Variants in TIAM2 observed in about 807,000 individuals in gnomAD.
The protein encoded by TIAM2 is TIAM Rac1 associated GEF 2, also known as rho guanine nucleotide exchange factor TIAM2.
A neutral mutation model predicts 152.9 loss-of-function variants in TIAM2; 80 were observed. That is an observed-to-expected ratio of 0.52 (90% CI 0.44 to 0.63). The LOEUF is 0.63. Among genes scored for constraint, TIAM2 ranks in the 30% least tolerant of loss-of-function variants. The pLI, the probability that TIAM2 is intolerant of heterozygous loss-of-function variation, is 0.00. For synonymous variants in TIAM2, 804 were observed against 838.0 expected, an observed-to-expected ratio of 0.96 and a Z score of 0.70; for missense variants, 1,965 against 2,120.1, an observed-to-expected ratio of 0.93 and a Z score of 1.44.
intron 20 of TIAM2, 110 bp from the exon 21 acceptor site, chr6:155,249,741 G>A: frequency 2.5e-6 from 2 of 803,276 alleles, no homozygotes; most frequent in East Asian, 2.8e-5. Flanking sequence ...CCTGCTAGTG[G>A]GTACTGGTCT....
chr6:155,153,506 G>A (rs949870301), intron 7 of TIAM2, among the ~76,000 whole-genome samples: 1 of 151,846 alleles, frequency 6.6e-6, no homozygotes, highest in Non-Finnish European at 1.5e-5. Flanking sequence ...ACTCTTTGAG[G>A]TTATGATTTA....
rs1228352587 is a variant in TIAM2, at chr6:155,218,505, C to T, written c.3168+7198C>T. On this transcript the variant is annotated intron_variant, in intron 15 of 26. Transcript: ENST00000682666. The surrounding 1 kb of genome is among the most constrained non-coding windows in gnomAD (Gnocchi z 4.5). ...GGGCAAGTTACCCAACCTTTGTAAG[C>T]CTGTGTGTCCTCCTCTATGAATAAA... 6.6e-6 allele frequency among the ~76,000 whole-genome samples: 1 copy of T among 152,202 alleles called. No individual in the cohort carries two copies. Among genetic ancestry groups the T allele is most frequent in the East Asian group, 1.9e-4 (1 of 5,198 alleles).
intron 1 of TIAM2, among the ~76,000 whole-genome samples, chr6:155,029,264 A>G (rs942001471): frequency 1.8e-5 from 2 of 110,688 alleles, no homozygotes; most frequent in Non-Finnish European, 3.6e-5. Flanking sequence ...TATGTGTTAT[A>G]TACACTATAT....
intron 4 of TIAM2, among the ~76,000 whole-genome samples, chr6:155,134,108 T>A (rs1281139308): frequency 2.0e-5 from 3 of 152,072 alleles, no homozygotes; most frequent in Non-Finnish European, 4.4e-5. Context: ...TTCGATTTGA[T>A]GGAAGTGAAG....
At chr6:155,133,644 C>T (rs1444731494) in intron 4 of TIAM2, among the ~76,000 whole-genome samples, 2 of 152,124 alleles carry the variant, frequency 1.3e-5, no homozygotes, top group African/African-American at 4.8e-5. Flanking sequence ...ATTGTACTCT[C>T]TGCTTCAATG....
chr6:155,142,669 A>G (rs1779736425), intron 5 of TIAM2, among the ~76,000 whole-genome samples: 1 of 152,202 alleles, frequency 6.6e-6, no homozygotes, highest in Non-Finnish European at 1.5e-5. Context: ...GGAAAAAGAT[A>G]CTGGCCAGGC....
chr6:155,247,583 C>T (rs1783408396), intron 19 of TIAM2, among the ~76,000 whole-genome samples: 1 of 152,252 alleles, frequency 6.6e-6, no homozygotes. Context: ...CCGCCTCAGC[C>T]TCCCAAAGTG....
intron 14 of TIAM2, 87 bp from the exon 15 acceptor site, chr6:155,211,117 C>G (rs1168697622): frequency 6.6e-6 from 8 of 1,212,922 alleles, no homozygotes; most frequent in Non-Finnish European, 9.3e-6. Context: ...TTTCTTCTTT[C>G]CTTTCTCCAT....
intron 1 of TIAM2, among the ~76,000 whole-genome samples, chr6:155,018,310 GCTT>G (rs922816754): frequency 1.7e-4 from 14 of 84,474 alleles, no homozygotes; most frequent in Non-Finnish European, 5.2e-5. Flanking sequence ...AATTTCACTT[GCTT>G]CTTATTTTTT....
intron 1 of TIAM2, chr6:155,013,806 G>A (rs1778527853): frequency 6.6e-6 from 1 of 152,112 alleles, no homozygotes. Context: ...CACTTACAGG[G>A]TCTTTCCTAA....
chr6:155,122,021 A>C (rs1156640259), intron 2 of TIAM2: 1 of 152,262 alleles, frequency 6.6e-6, no homozygotes, highest in African/African-American at 2.4e-5. Flanking sequence ...GCCACACTAC[A>C]TGGAACTAGA....
intron 2 of TIAM2, chr6:155,122,081 A>G (rs1462410086): frequency 2.0e-5 from 3 of 152,362 alleles, no homozygotes; most frequent in Non-Finnish European, 2.9e-5. Context: ...AAGGCAAATG[A>G]AGAAAAGGTA....
intron 1 of TIAM2, among the ~76,000 whole-genome samples, chr6:155,010,269 T>A (rs1315992740): frequency 6.6e-6 from 1 of 152,158 alleles, no homozygotes; most frequent in Non-Finnish European, 1.5e-5. Context: ...AGGCAATAAA[T>A]TAGCTTGAGA....
At position 155,196,313 on chromosome 6, in the gene TIAM2, G is replaced by C. The variant is rs544994517; in HGVS notation, c.3064+12813G>C. 5.3e-5 allele frequency among the ~76,000 whole-genome samples: 8 copies of C among 152,304 alleles called. No homozygotes were observed. The South Asian group carries it at 1.7e-3, about 32-fold the overall frequency. ...AGCTTTGGGGAACGATGAGGAATTGGTTTGGGAACTCCTTGTGTTTAACTT... is the reference window on the plus strand; with the variant it reads ...AGCTTTGGGGAACGATGAGGAATTGCTTTGGGAACTCCTTGTGTTTAACTT... On this transcript the variant is annotated intron_variant, in intron 14 of 26. Coordinates refer to ENST00000682666, the MANE Select transcript of TIAM2 (RefSeq NM_012454.4).
In TIAM2 at chr6:155,137,291, C is replaced by G. The variant is rs2115048789; in HGVS notation, c.1309C>G (p.Gln437Glu). The G allele has an allele frequency of 6.2e-7, 1 of 1,614,244 alleles. No homozygotes were observed. Among genetic ancestry groups the G allele is most frequent in the East Asian group, 2.2e-5 (1 of 44,878 alleles). The change falls in exon 5 of 27, where the codon CAG becomes GAG. Residue 437 changes from glutamine to glutamate, a missense_variant. Physicochemically the swap from Gln to Glu is conservative, Grantham distance 29. Transcript: ENST00000682666. ...SAFLWSGGST[Q>E]ILSQRSESTH... ...TTTTCTGTGGTCAGGGGGCTCTACTCAGATCCTGTCTCAGAGAAGTGAATC... is the reference window on the plus strand; with the variant it reads ...TTTTCTGTGGTCAGGGGGCTCTACTGAGATCCTGTCTCAGAGAAGTGAATC...
At chr6:155,061,910 C>A (rs1321934479) in intron 1 of TIAM2, among the ~76,000 whole-genome samples, 5 of 152,136 alleles carry the variant, frequency 3.3e-5, no homozygotes, top group Non-Finnish European at 7.4e-5. Flanking sequence ...GTCGTATAGC[C>A]ACCACCACAG....
At chr6:155,130,917 C>G (rs1026098032) in intron 4 of TIAM2, among the ~76,000 whole-genome samples, 3 of 151,960 alleles carry the variant, frequency 2.0e-5, no homozygotes, top group Admixed American at 6.6e-5. Context: ...AAACCAATTA[C>G]CTCTCAAAGA....
chr6:155,014,567 G>A (rs181936998), intron 1 of TIAM2, among the ~76,000 whole-genome samples: 1 of 152,176 alleles, frequency 6.6e-6, no homozygotes, highest in Non-Finnish European at 1.5e-5. Flanking sequence ...TTTGCTGTTT[G>A]TATCAATATA....
intron 15 of TIAM2, among the ~76,000 whole-genome samples, chr6:155,215,241 A>G (rs969182511): frequency 1.3e-5 from 2 of 152,342 alleles, no homozygotes. Context: ...AACAATGCCT[A>G]TGGTAACTAA....
Sources: allele counts gnomAD v4.1 joint callset (sites outside exome capture counted in the v4.1 genomes callset), GRCh38; gene constraint gnomAD v4.1.1; non-coding constraint Gnocchi (gnomAD v3.1); transcripts MANE v1.5; gene names NCBI Gene and HGNC (gene_info 2026-07-23, HGNC 2026-07-21).